Variants in ARR3 observed in about 807,000 individuals in gnomAD.
The protein encoded by ARR3 is arrestin-C.
Under a neutral mutation model 35.4 loss-of-function variants are expected in ARR3, and 14 were observed. The ratio of observed to expected loss-of-function variants is 0.40; its 90% CI spans 0.26 to 0.62. The LOEUF is 0.62. ARR3 is among the 20% of genes least tolerant of loss of function. The pLI, the probability that ARR3 is intolerant of heterozygous loss-of-function variation, is 0.46. For synonymous variants in ARR3, 97 were observed against 119.1 expected (o/e 0.81, Z 1.21); for missense variants, 259 against 303.8 (o/e 0.85, Z 1.10).
At chrX:70,274,698 T>C (rs1602721216) in intron 5 of ARR3, among the ~76,000 whole-genome samples, 1 of 112,608 alleles carries the variant, frequency 8.9e-6, no homozygotes, top group East Asian at 2.8e-4. Flanking sequence ...GCTTCCAAGA[T>C]GGTGCCTTAT....
At chrX:70,279,447 A>G (rs1029926179) in intron 12 of ARR3, among the ~76,000 whole-genome samples, 4 of 112,894 alleles carry the variant, frequency 3.5e-5, no homozygotes, top group Non-Finnish European at 7.5e-5. Flanking sequence ...AGCAATGAAG[A>G]GATTTTCTCA....
chrX:70,280,105 T>C, intron 12 of ARR3, 90 bp from the exon 13 acceptor site: 1 of 820,010 alleles, frequency 1.2e-6, no homozygotes, highest in Non-Finnish European at 1.8e-6. Context: ...TAATAGGGTG[T>C]GGTGATAGGA....
At chrX:70,274,869 T>C (rs2085645659) in intron 5 of ARR3, among the ~76,000 whole-genome samples, 2 of 112,230 alleles carry the variant, frequency 1.8e-5, no homozygotes, top group Non-Finnish European at 3.8e-5. Flanking sequence ...CTTAATACCA[T>C]CACAATGACC....
chrX:70,275,440 T>C (rs1398034697), intron 5 of ARR3, among the ~76,000 whole-genome samples: 2 of 111,717 alleles, frequency 1.8e-5, no homozygotes, highest in African/African-American at 6.5e-5. Flanking sequence ...CACAGTTTTA[T>C]ACTGGCATTA....
chrX:70,278,181 G>T, intron 11 of ARR3, 43 bp downstream of exon 11: 5 of 1,150,806 alleles, frequency 4.3e-6, no homozygotes, highest in Non-Finnish European at 5.9e-6. Flanking sequence ...CAAGGGGTGG[G>T]GTGGTGGGAA....
chrX:70,269,662 G>A lies in ARR3; in HGVS notation c.9G>A (p.Lys3=). ...CCTCTTTCTGGTTTTCTCCTCATAGGGTGTTTAAGAAGACCAGCTCCAATG... is the reference window on the plus strand; with the variant it reads ...CCTCTTTCTGGTTTTCTCCTCATAGAGTGTTTAAGAAGACCAGCTCCAATG... MS[K]VFKKTSSNGK... Residue 3 remains lysine, a splice_region_variant and synonymous_variant, in exon 3 of 17, where the codon AAG becomes AAA. Transcript: ENST00000307959. The A allele has an allele frequency of 8.3e-7, 1 of 1,205,951 alleles. No individual in the cohort carries two copies. The highest frequency in any genetic ancestry group is 1.1e-6 in the Non-Finnish European group (1 of 892,252).
chrX:70,277,396 A>G lies in ARR3; in HGVS notation c.476A>G (p.Asp159Gly). 6 of 1,210,438 alleles carry G rather than the reference A, an allele frequency of 5.0e-6. No individual in the cohort carries two copies. Among genetic ancestry groups the G allele is most frequent in the Non-Finnish European group, 5.6e-6 (5 of 894,910 alleles). ...ENPEETVSKR[D>G]YVRLVVRKVQ... is the part of the protein sequence containing the mutation. ...CTAATCTCTTGGTCTCTGCTCAGAG[A>G]CTATGTGCGGCTGGTTGTCCGGAAA... is the stretch of plus-strand genomic sequence containing the variant. The change falls in exon 9 of 17, where the codon GAC becomes GGC. Residue 159 changes from aspartate to glycine, a missense_variant and splice_region_variant. Coordinates refer to ENST00000307959, the MANE Select transcript of ARR3 (RefSeq NM_004312.3).
At chrX:70,272,804 A>G (rs1198188209) in intron 5 of ARR3, among the ~76,000 whole-genome samples, 2 of 112,285 alleles carry the variant, frequency 1.8e-5, no homozygotes, top group African/African-American at 6.5e-5. Context: ...ATATAGGTTC[A>G]TTTTTCTCAT....
rs756116135 is a variant in ARR3 at position 70,276,708 on chromosome X, G to A, written c.445G>A (p.Glu149Lys). 8.3e-6 allele frequency: 10 copies of A among 1,209,850 alleles called. No individual in the cohort carries two copies. The highest frequency in any genetic ancestry group is 1.0e-5 in the Non-Finnish European group (9 of 895,036). The change falls in exon 8 of 17, where the codon GAA becomes AAA. Residue 149 changes from glutamate to lysine, a missense_variant. Glu to Lys is a moderately conservative substitution (Grantham distance 56). Coordinates refer to ENST00000307959, the MANE Select transcript of ARR3 (RefSeq NM_004312.3). ...IDFEVKSFCAENPEETVSKRD... is the reference protein window; with the variant it reads ...IDFEVKSFCAKNPEETVSKRD... ...CTTTGAAGTGAAGAGTTTCTGTGCT[G>A]AAAACCCAGAGGAGACAGTCTCCAA...
chrX:70,280,509 G>T, intron 13 of ARR3, 50 bp from the exon 14 acceptor site: 1 of 1,155,014 alleles, frequency 8.7e-7, no homozygotes, highest in African/African-American at 1.8e-5. Context: ...AAACTAGGTT[G>T]CCCCTTCTCT....
In ARR3 at chrX:70,276,733, A is replaced by G. The variant is rs143774619; in HGVS notation, c.470A>G (p.Lys157Arg). The G allele has an allele frequency of 3.1e-5, 38 of 1,207,842 alleles. No individual in the cohort carries two copies. Among genetic ancestry groups the G allele is most frequent in the Non-Finnish European group, 3.9e-5 (35 of 893,478 alleles). Reference protein sequence around the residue: ...CAENPEETVSKRDYVRLVVRK... With the variant: ...CAENPEETVSRRDYVRLVVRK... ...GAAAACCCAGAGGAGACAGTCTCCA[A>G]GAGGTATTCTTTGGTTGTCCCCAAA... Residue 157 changes from lysine to arginine, a missense_variant, in exon 8 of 17, where the codon AAG becomes AGG. Coordinates refer to ENST00000307959, the MANE Select transcript of ARR3 (RefSeq NM_004312.3).
intron 5 of ARR3, among the ~76,000 whole-genome samples, chrX:70,273,142 T>C (rs775589100): frequency 1.8e-5 from 2 of 110,257 alleles, no homozygotes; most frequent in Admixed American, 1.9e-4. Flanking sequence ...AACTCTTCCA[T>C]TTCTGTCAAT....
At position 70,269,878 on chromosome X, in the gene ARR3, C is replaced by G. The variant is rs148653835; in HGVS notation, c.75C>G (p.Asp25Glu). 3.3e-6 allele frequency: 4 copies of G among 1,207,205 alleles called. No homozygotes were observed. In the Admixed American group the frequency reaches 6.6e-5, roughly 20 times the overall value. Residue 25 changes from aspartate to glutamate, a missense_variant, in exon 4 of 17, where the codon GAC (aspartate) becomes GAG (glutamate). Physicochemically the swap from Asp to Glu is conservative, Grantham distance 45. Transcript: ENST00000307959. ...ACCTGGGGAAACGGGACTTCGTGGA[C>G]CATGTGGACACGGTGGAACCCATTG... Reference protein sequence around the residue: ...SIYLGKRDFVDHVDTVEPIDG... With the variant: ...SIYLGKRDFVEHVDTVEPIDG...
intron 12 of ARR3, among the ~76,000 whole-genome samples, chrX:70,279,856 G>C (rs1441507960): frequency 8.9e-6 from 1 of 111,958 alleles, no homozygotes; most frequent in Non-Finnish European, 1.9e-5. Flanking sequence ...TTCTGATCAC[G>C]GAGAGAAGAT....
intron 5 of ARR3, among the ~76,000 whole-genome samples, chrX:70,270,673 T>C (rs1436566201): frequency 9.1e-6 from 1 of 110,383 alleles, no homozygotes; most frequent in Admixed American, 9.7e-5. Flanking sequence ...TTATAAACTT[T>C]TTTTTTTTTT....
intron 5 of ARR3, among the ~76,000 whole-genome samples, chrX:70,275,418 T>C (rs1169853899): frequency 8.9e-6 from 1 of 111,878 alleles, no homozygotes; most frequent in African/African-American, 3.2e-5. Context: ...AAGGGCCTAT[T>C]CACATTCTTT....
chrX:70,269,164 CCAAGATGGGCA>C (rs1225208336), intron 1 of ARR3, among the ~76,000 whole-genome samples, 181 bp from the exon 2 acceptor site: 2 of 111,209 alleles, frequency 1.8e-5, no homozygotes, highest in Non-Finnish European at 3.8e-5. Flanking sequence ...CCCCTCTTGC[CCAAGATGGGCA>C]AGAATATGGC....
rs186939925 is a variant in ARR3 at position 70,275,505 on chromosome X, T to C, written c.146-577T>C. Among the ~76,000 whole-genome samples the C allele has an allele frequency of 9.0e-5, 10 of 110,921 alleles. No individual in the cohort carries two copies. In the East Asian group the frequency reaches 2.8e-3, roughly 31 times the overall value. On this transcript the variant is annotated intron_variant, in intron 5 of 16. Transcript: ENST00000307959. Reference sequence around the variant, plus strand: ...TTGGACTCTAAACTTCAGTGTGTTATATGTGTTGCAAAGATTTTCTCCCAG... The same window carrying C: ...TTGGACTCTAAACTTCAGTGTGTTACATGTGTTGCAAAGATTTTCTCCCAG...
At chrX:70,271,948 C>T (rs1410264492) in intron 5 of ARR3, among the ~76,000 whole-genome samples, 1 of 110,895 alleles carries the variant, frequency 9.0e-6, no homozygotes, top group African/African-American at 3.3e-5. Context: ...ATTAGAGCTT[C>T]AGTTGGGGGT....
Sources: gnomAD v4.1 joint callset for allele counts (sites outside exome capture counted in the v4.1 genomes callset) on GRCh38, gnomAD v4.1.1 for gene constraint, MANE v1.5 for transcripts, NCBI Gene and HGNC (gene_info 2026-07-23, HGNC 2026-07-21) for gene names.